The following SLC13A1 variants were observed in gnomAD, a reference collection of about 807,000 sequenced individuals.
SLC13A1 encodes the protein Na(+)/sulfate cotransporter.
SLC13A1 carries 65 observed loss-of-function variants against 70.0 expected under a neutral mutation model. The observed-to-expected ratio is 0.93, with a 90% CI of 0.76 to 1.14. The LOEUF (loss-of-function observed/expected upper bound fraction) is 1.14. Among genes scored for constraint, SLC13A1 ranks in the 50% most tolerant of loss-of-function variants. The pLI is 0.00. For missense variants in SLC13A1, 726 were observed against 717.8 expected (o/e 1.01, Z -0.13); for synonymous variants, 275 against 250.5 (o/e 1.10, Z -0.92).
intron 6 of SLC13A1, among the ~76,000 whole-genome samples, chr7:123,152,720 C>T (rs1287842992): frequency 1.3e-5 from 2 of 152,104 alleles, no homozygotes; most frequent in Non-Finnish European, 2.9e-5. Context: ...AAGGACTCTA[C>T]GCTTCACCCA....
At chr7:123,137,630 A>G (rs748369446) in intron 7 of SLC13A1, among the ~76,000 whole-genome samples, 1 of 152,152 alleles carries the variant, frequency 6.6e-6, no homozygotes, top group Non-Finnish European at 1.5e-5. Context: ...AATTCTACTG[A>G]CAACATCAAT....
intron 8 of SLC13A1, among the ~76,000 whole-genome samples, chr7:123,133,081 C>T (rs1423360368): frequency 6.6e-6 from 1 of 151,920 alleles, no homozygotes; most frequent in Non-Finnish European, 1.5e-5. Flanking sequence ...CAACTTAGGC[C>T]CAGATGTGTT....
intron 6 of SLC13A1, chr7:123,149,485 G>A: frequency 2.2e-6 from 1 of 456,452 alleles, no homozygotes; most frequent in South Asian, 1.5e-5. Context: ...GACTGTGATG[G>A]TACAAGTGGC....
At chr7:123,183,474 C>A (rs2116627955) in intron 1 of SLC13A1, among the ~76,000 whole-genome samples, 1 of 152,238 alleles carries the variant, frequency 6.6e-6, no homozygotes, top group East Asian at 1.9e-4. Context: ...ACCTCCTCAA[C>A]TTTTGTCAGC....
In SLC13A1 at chr7:123,153,992, G is replaced by GT. The variant is rs368368910; in HGVS notation, c.661-6683dup. On this transcript the variant is annotated intron_variant, in intron 6 of 14. Transcript: ENST00000194130. ...TTGTAACTTTTATTGCCAGAAATAA[G>GT]TTTTTTTAACATATAAAGGAATTAT... Among the ~76,000 whole-genome samples, 57 of 151,994 alleles carry GT rather than the reference G, an allele frequency of 3.8e-4. 1 individual carries two copies. The highest frequency in any genetic ancestry group is 1.4e-3 in the East Asian group (7 of 5,164).
intron 6 of SLC13A1, among the ~76,000 whole-genome samples, chr7:123,158,948 C>CA (rs1794797790): frequency 6.6e-6 from 1 of 151,906 alleles, no homozygotes; most frequent in African/African-American, 2.4e-5. Context: ...AGAAGAAGGA[C>CA]CATGACCCCA....
intron 1 of SLC13A1, among the ~76,000 whole-genome samples, chr7:123,191,647 G>A (rs747640158): frequency 4.6e-5 from 7 of 152,106 alleles, no homozygotes; most frequent in Non-Finnish European, 8.8e-5. Flanking sequence ...TATAGGATGG[G>A]CAAGTAATAC....
intron 1 of SLC13A1, among the ~76,000 whole-genome samples, chr7:123,189,114 CA>C (rs34956751): frequency 9.0e-5 from 9 of 99,506 alleles, no homozygotes; most frequent in Non-Finnish European, 1.7e-4. Flanking sequence ...GACTCCGTCT[CA>C]AAAAAAAAAA....
At chr7:123,147,401 A>T in intron 6 of SLC13A1, 91 bp from the exon 7 acceptor site, 1 of 1,418,360 alleles carries the variant, frequency 7.1e-7, no homozygotes, top group Non-Finnish European at 9.6e-7. Context: ...ACCAATTCAT[A>T]TGTTGAAACC....
chr7:123,150,552 A>G (rs1794519985), intron 6 of SLC13A1, among the ~76,000 whole-genome samples: 1 of 151,994 alleles, frequency 6.6e-6, no homozygotes, highest in South Asian at 2.1e-4. Flanking sequence ...CAGCCAAACT[A>G]CTCGAAAGAG....
chr7:123,170,622 T>TTTG (rs75815412), intron 3 of SLC13A1, among the ~76,000 whole-genome samples: 60 of 151,012 alleles, frequency 4.0e-4, no homozygotes, highest in Non-Finnish European at 6.1e-4. Flanking sequence ...TTTTGGTTTT[T>TTTG]TTTGTTTGTT....
At chr7:123,139,050 G>A (rs1212587733) in intron 7 of SLC13A1, among the ~76,000 whole-genome samples, 2 of 152,034 alleles carry the variant, frequency 1.3e-5, no homozygotes, top group African/African-American at 4.8e-5. Context: ...ATAGTTTGAG[G>A]TCTTAGCTTA....
chr7:123,140,579 T>G (rs1045603831), intron 7 of SLC13A1, among the ~76,000 whole-genome samples: 6 of 152,116 alleles, frequency 3.9e-5, no homozygotes, highest in African/African-American at 2.4e-5. Context: ...CTGGAAGAAT[T>G]TTATTATGGC....
chr7:123,172,161 C>A (rs1328318054), intron 2 of SLC13A1, among the ~76,000 whole-genome samples: 1 of 152,092 alleles, frequency 6.6e-6, no homozygotes, highest in Non-Finnish European at 1.5e-5. Flanking sequence ...CAGGTAAGTG[C>A]TTTTCTATTG....
At chr7:123,175,360 A>T (rs1023172056) in intron 2 of SLC13A1, among the ~76,000 whole-genome samples, 1 of 152,080 alleles carries the variant, frequency 6.6e-6, no homozygotes, top group Non-Finnish European at 1.5e-5. Flanking sequence ...AAAATGAATA[A>T]AGATTTAAGT....
At chr7:123,143,986 A>G (rs758727998) in intron 7 of SLC13A1, among the ~76,000 whole-genome samples, 25 of 152,210 alleles carry the variant, frequency 1.6e-4, no homozygotes, top group Non-Finnish European at 3.2e-4. Context: ...ATTTTAGTTT[A>G]CATGTGAAGA....
intron 1 of SLC13A1, among the ~76,000 whole-genome samples, chr7:123,188,106 TTGAA>T (rs2116650395): frequency 6.6e-6 from 1 of 152,282 alleles, no homozygotes; most frequent in African/African-American, 2.4e-5. Flanking sequence ...GTGGAGGTAA[TTGAA>T]TAATGGGCGC....
At position 123,168,382 on chromosome 7, in the gene SLC13A1, A is replaced by G; in HGVS notation, c.652T>C (p.Leu218=). 1 of 1,578,460 alleles carries G rather than the reference A, an allele frequency of 6.3e-7. No individual in the cohort carries two copies. The highest frequency in any genetic ancestry group is 8.7e-7 in the Non-Finnish European group (1 of 1,153,120). Residue 218 remains leucine (L), a synonymous_variant, in exon 6 of 15, where the codon TTG becomes CTG. Transcript: ENST00000194130. ...GAATCAAATTTATGTACCTTTTCCAACTCCACCTTGCTTGAAATTTTCCCT... is the reference window on the plus strand; with the variant it reads ...GAATCAAATTTATGTACCTTTTCCAGCTCCACCTTGCTTGAAATTTTCCCT... ...DTGKISSKVE[L]EKNSGMRTKY...
chr7:123,124,347 C>T (rs10241206), intron 11 of SLC13A1, among the ~76,000 whole-genome samples: 44,790 of 151,956 alleles, frequency 0.29, 6,671 homozygotes, highest in East Asian at 0.31. Context: ...AATCAATGCT[C>T]CATATTGCAT....
Sources: allele counts gnomAD v4.1 joint callset (sites outside exome capture counted in the v4.1 genomes callset), GRCh38; gene constraint gnomAD v4.1.1; transcripts MANE v1.5; gene names NCBI Gene and HGNC (gene_info 2026-07-23, HGNC 2026-07-21).